The following LRP1B variants were observed in gnomAD, a reference collection of about 807,000 sequenced individuals.
LRP1B encodes the protein LDL receptor related protein 1B.
A neutral mutation model predicts 556.6 loss-of-function variants in LRP1B; 217 were observed. The ratio of observed to expected loss-of-function variants is 0.39; its 90% confidence interval spans 0.35 to 0.44. The LOEUF (loss-of-function observed/expected upper bound fraction) is 0.44, where lower values mean the gene tolerates loss of function less well. LRP1B is among the 20% of genes least tolerant of loss of function. The probability of loss-of-function intolerance (pLI) is 1.00; values close to 1 mark genes in which losing one functional copy is unlikely to be tolerated. For synonymous variants in LRP1B, 2,047 were observed against 1,865.8 expected (o/e 1.10, Z -2.50); for missense variants, 5,053 against 5,620.8 (o/e 0.90, Z 3.23).
chr2:140,944,104 T>C (rs112840178), intron 20 of LRP1B, among the ~76,000 whole-genome samples: 8 of 151,878 alleles, frequency 5.3e-5, no homozygotes, highest in African/African-American at 1.5e-4. Flanking sequence ...ACTGATCCCA[T>C]AGAAATGCAA....
intron 6 of LRP1B, among the ~76,000 whole-genome samples, chr2:141,200,900 C>T (rs1681986348): frequency 6.6e-6 from 1 of 152,104 alleles, no homozygotes; most frequent in African/African-American, 2.4e-5. Context: ...AGCCTTTGCT[C>T]AAAAAATTCC....
chr2:141,894,440 C>T (rs1361829801), intron 1 of LRP1B, among the ~76,000 whole-genome samples: 2 of 151,810 alleles, frequency 1.3e-5, no homozygotes, highest in East Asian at 3.9e-4. Flanking sequence ...AGACACCTTG[C>T]AGGGCTTTTC....
chr2:142,097,271 A>G (rs868396839), intron 1 of LRP1B, among the ~76,000 whole-genome samples: 7 of 151,666 alleles, frequency 4.6e-5, no homozygotes, highest in African/African-American at 1.7e-4. Context: ...TTCCTTGTAA[A>G]GCCTTTCTTT....
intron 2 of LRP1B, among the ~76,000 whole-genome samples, chr2:141,630,094 G>A (rs961150351): frequency 5.9e-5 from 9 of 152,186 alleles, no homozygotes; most frequent in Admixed American, 2.6e-4. Context: ...ACCCACAGAA[G>A]TAGCTTAATG....
Position 141,211,864 on chromosome 2 carries a change from C to T in LRP1B, c.850+17319G>A, listed in dbSNP as rs915869911. On this transcript the variant is annotated intron_variant, in intron 6 of 90. Coordinates refer to ENST00000389484, the MANE Select transcript of LRP1B (RefSeq NM_018557.3). Reference sequence around the variant, plus strand: ...ATTGTAACTGTCCTTTTTTGACTCTCAATGGATGGCCTGATCTCCTCACTG... The same window carrying T: ...ATTGTAACTGTCCTTTTTTGACTCTTAATGGATGGCCTGATCTCCTCACTG... 4.6e-5 allele frequency among the ~76,000 whole-genome samples: 7 copies of T among 152,216 alleles called. No homozygotes were observed. In the South Asian group the frequency reaches 6.2e-4, roughly 14 times the overall value.
At chr2:141,959,765 C>A (rs1050737550) in intron 1 of LRP1B, among the ~76,000 whole-genome samples, 13 of 151,816 alleles carry the variant, frequency 8.6e-5, no homozygotes, top group African/African-American at 2.7e-4. Context: ...GTGTCTTTTA[C>A]AACGACAGAA....
At chr2:141,331,522 C>CCTT (rs1553497515) in intron 3 of LRP1B, among the ~76,000 whole-genome samples, 7 of 140,718 alleles carry the variant, frequency 5.0e-5, no homozygotes, top group Admixed American at 1.4e-4. Flanking sequence ...TTCTTTCTTT[C>CCTT]TCTTTCTTTC....
At chr2:140,876,652 T>G (rs1693315118) in intron 25 of LRP1B, among the ~76,000 whole-genome samples, 1 of 152,142 alleles carries the variant, frequency 6.6e-6, no homozygotes, top group African/African-American at 2.4e-5. Context: ...TCCAAGTTTA[T>G]CTTGGAACCT....
chr2:141,114,741 G>C (rs1700843014), intron 7 of LRP1B, among the ~76,000 whole-genome samples: 1 of 152,040 alleles, frequency 6.6e-6, no homozygotes. Flanking sequence ...CTTTCCTGGG[G>C]AACTGCCCTC....
chr2:141,040,950 CATA>C (rs1558818850), intron 11 of LRP1B, among the ~76,000 whole-genome samples: 1 of 152,100 alleles, frequency 6.6e-6, no homozygotes, highest in Non-Finnish European at 1.5e-5. Context: ...TTCTTCTCTT[CATA>C]ATGTCATAAA....
At chr2:141,843,648 A>G (rs1476826928) in intron 1 of LRP1B, among the ~76,000 whole-genome samples, 1 of 152,148 alleles carries the variant, frequency 6.6e-6, no homozygotes, top group Non-Finnish European at 1.5e-5. Context: ...TCTTTTTATA[A>G]TTATTAACTT....
intron 11 of LRP1B, among the ~76,000 whole-genome samples, chr2:141,025,160 C>A (rs1486680235): frequency 6.6e-6 from 1 of 151,948 alleles, no homozygotes; most frequent in Non-Finnish European, 1.5e-5. Flanking sequence ...TATATGAGCA[C>A]AAATAATAAT....
intron 2 of LRP1B, among the ~76,000 whole-genome samples, chr2:141,736,163 T>G (rs77005944): frequency 0.14 from 21,233 of 151,944 alleles, 1,808 homozygotes; most frequent in South Asian, 0.25. Flanking sequence ...TAAATTGGTG[T>G]GGATTTCTCA....
chr2:141,906,035 T>C (rs571557453), intron 1 of LRP1B, among the ~76,000 whole-genome samples: 1 of 150,984 alleles, frequency 6.6e-6, no homozygotes, highest in African/African-American at 2.4e-5. Flanking sequence ...TCTGTGTGTA[T>C]ATACATCTCT....
At position 140,267,600 on chromosome 2, in the gene LRP1B, GAA is replaced by G. The variant is rs1303686134; in HGVS notation, c.13247+2640_13247+2641del. 5.9e-5 allele frequency among the ~76,000 whole-genome samples: 9 copies of G among 152,000 alleles called. No homozygotes were observed. The East Asian group carries it at 1.8e-3, about 30-fold the overall frequency. On this transcript the variant is annotated intron_variant, in intron 86 of 90. Coordinates refer to ENST00000389484, the MANE Select transcript of LRP1B (RefSeq NM_018557.3). ...CCGTGCTGAGCCTGTACAAACTTGAGAAAAGTCTGTACGGGGTCAGCACAGAC... is the reference window on the plus strand; with the variant it reads ...CCGTGCTGAGCCTGTACAAACTTGAGAAGTCTGTACGGGGTCAGCACAGAC...
At chr2:142,079,295 G>T (rs1266091095) in intron 1 of LRP1B, among the ~76,000 whole-genome samples, 4 of 152,000 alleles carry the variant, frequency 2.6e-5, no homozygotes, top group Non-Finnish European at 5.9e-5. Flanking sequence ...GAGTTATTTT[G>T]CCACTTTGAG....
chr2:140,572,837 T>TAAAATAAAATAAAAC (rs1470673814), intron 43 of LRP1B, among the ~76,000 whole-genome samples: 508 of 151,332 alleles, frequency 3.4e-3, no homozygotes, highest in African/African-American at 0.012. Context: ...TAAAATAAAA[T>TAAAATAAAATAAAAC]AAAACACTAT....
At chr2:140,275,825 G>A (rs1682648682) in intron 84 of LRP1B, among the ~76,000 whole-genome samples, 1 of 151,908 alleles carries the variant, frequency 6.6e-6, no homozygotes, top group East Asian at 1.9e-4. Context: ...TCTCAACTAG[G>A]AAGGAACACT....
chr2:140,565,089 C>T (rs1681076319), intron 43 of LRP1B, among the ~76,000 whole-genome samples: 1 of 124,436 alleles, frequency 8.0e-6, no homozygotes, highest in African/African-American at 3.0e-5. Flanking sequence ...ACGGCAGATT[C>T]TAAGTGGAAA....
Sources: gnomAD v4.1 joint callset for allele counts (sites outside exome capture counted in the v4.1 genomes callset) on GRCh38, gnomAD v4.1.1 for gene constraint, MANE v1.5 for transcripts, NCBI Gene and HGNC (gene_info 2026-07-23, HGNC 2026-07-21) for gene names.